Variants in NACC1 observed in about 807,000 individuals in gnomAD.
The protein encoded by NACC1 is nucleus accumbens associated 1.
Under a neutral mutation model 41.7 loss-of-function variants are expected in NACC1, and 6 were observed. That is an observed-to-expected ratio of 0.14 (90% confidence interval 0.08 to 0.28). NACC1 has a LOEUF of 0.28. Ranked by LOEUF, NACC1 falls within the 10% of genes least tolerant of loss-of-function variation. The pLI is 1.00. For synonymous variants in NACC1, 338 were observed against 330.6 expected (o/e 1.02, Z -0.24); for missense variants, 434 against 763.7 (o/e 0.57, Z 5.09).
chr19:13,119,996 C>T (rs1599979605), intron 1 of NACC1, among the ~76,000 whole-genome samples: 1 of 152,208 alleles, frequency 6.6e-6, no homozygotes, highest in African/African-American at 2.4e-5. Flanking sequence ...CCCATAGTCA[C>T]TCAAGTGGCC....
At chr19:13,125,088 G>A (rs549241644) in intron 1 of NACC1, among the ~76,000 whole-genome samples, 63 of 152,234 alleles carry the variant, frequency 4.1e-4, no homozygotes, top group Non-Finnish European at 1.5e-5. Context: ...TTGAGCCCAG[G>A]AGTTTGACGC....
At position 13,138,655 on chromosome 19, in the gene NACC1, G is replaced by C; in HGVS notation, c.*249G>C. 1.8e-6 allele frequency: 1 copy of C among 565,736 alleles called. No homozygotes were observed. The highest frequency in any genetic ancestry group is 3.1e-6 in the Non-Finnish European group (1 of 318,220). 35.0% of individuals were successfully genotyped at this position (565,736 alleles called of 1,614,324 possible). A position where few individuals can be genotyped will look rare whatever the true frequency, so the allele number is the denominator to read the frequency against. On this transcript the variant is annotated 3_prime_UTR_variant, in exon 6 of 6. Transcript: ENST00000292431. The surrounding 1 kb of genome is among the most constrained non-coding windows in gnomAD (Gnocchi z 5.7). ...CACACTCGTGCAGTGGGGGAGTTCT[G>C]GCTCCCCAACCTAACCCCTAGCCGT...
At chr19:13,126,950 G>A (rs1290063362) in intron 1 of NACC1, among the ~76,000 whole-genome samples, 2 of 152,052 alleles carry the variant, frequency 1.3e-5, no homozygotes, top group African/African-American at 4.8e-5. Context: ...AAAATGCCCA[G>A]TTTGGCAGGG....
At chr19:13,126,666 C>A (rs1431639792) in intron 1 of NACC1, among the ~76,000 whole-genome samples, 1 of 152,186 alleles carries the variant, frequency 6.6e-6, no homozygotes, top group African/African-American at 2.4e-5. Context: ...AGGCCCCTGA[C>A]TGCTGGCTAC....
At chr19:13,127,370 A>AATTTTTTTT (rs1491187460) in intron 1 of NACC1, among the ~76,000 whole-genome samples, 2 of 44,804 alleles carry the variant, frequency 4.5e-5, no homozygotes, top group South Asian at 1.1e-3. Flanking sequence ...ATATACATAT[A>AATTTTTTTT]CTTTTTTTTT....
intron 1 of NACC1, among the ~76,000 whole-genome samples, chr19:13,119,788 C>T (rs531453217): frequency 1.3e-5 from 2 of 152,342 alleles, no homozygotes; most frequent in Admixed American, 1.3e-4. Context: ...GGATCTACCT[C>T]TGGGACACTC....
rs867273051 is a variant in NACC1, at chr19:13,137,534, G to A, written c.1283G>A (p.Arg428His). The change falls in exon 5 of 6, where the codon CGT (arginine) becomes CAT (histidine). Residue 428 changes from arginine (R) to histidine (H), a missense_variant. Arg to His is a conservative substitution (Grantham distance 29, BLOSUM62 0). This residue lies in a region of NACC1 where 70 missense variants were observed against 206.9 expected (regional missense o/e 0.34). Coordinates refer to ENST00000292431, the MANE Select transcript of NACC1 (RefSeq NM_052876.4). The surrounding 1 kb of genome is among the most constrained non-coding windows in gnomAD (Gnocchi z 6.1). ...ATCCGCTCTTCTACCAACGATCCCC[G>A]TCGGAAGCCCCTGGACAGCCGCGTG... is the stretch of plus-strand genomic sequence containing the variant. ...TGIRSSTNDP[R>H]RKPLDSRVLH... is the part of the protein sequence containing the mutation. 2 of 1,575,058 alleles carry A rather than the reference G, an allele frequency of 1.3e-6. No homozygotes were observed. The highest frequency in any genetic ancestry group is 1.3e-5 in the African/African-American group (1 of 74,406).
At chr19:13,124,377 G>A (rs2019536688) in intron 1 of NACC1, among the ~76,000 whole-genome samples, 1 of 152,092 alleles carries the variant, frequency 6.6e-6, no homozygotes, top group Admixed American at 6.6e-5. Context: ...TCCAGCCTGG[G>A]CGACAGAGGA....
chr19:13,126,108 A>G (rs1275606667), intron 1 of NACC1, among the ~76,000 whole-genome samples: 1 of 149,336 alleles, frequency 6.7e-6, no homozygotes, highest in Non-Finnish European at 1.5e-5. Context: ...CATTGGCCCG[A>G]TCTCGGCTCA....
At chr19:13,134,570 C>T (rs889890272) in intron 1 of NACC1, among the ~76,000 whole-genome samples, 3 of 152,022 alleles carry the variant, frequency 2.0e-5, no homozygotes, top group South Asian at 2.1e-4. Flanking sequence ...GGTTTTGCCA[C>T]GTTGGCCAAG....
chr19:13,123,680 A>G (rs1212022025), intron 1 of NACC1, among the ~76,000 whole-genome samples: 1 of 152,174 alleles, frequency 6.6e-6, no homozygotes, highest in Non-Finnish European at 1.5e-5. Flanking sequence ...AGCTCAGGTA[A>G]AGAGCCCCAG....
At position 13,138,157 on chromosome 19, in the gene NACC1, G is replaced by C; in HGVS notation, c.1335G>C (p.Gln445His). 1 of 1,613,752 alleles carries C rather than the reference G, an allele frequency of 6.2e-7. No homozygotes were observed. Among genetic ancestry groups the C allele is most frequent in the Non-Finnish European group, 8.5e-7 (1 of 1,179,642 alleles). The change falls in exon 6 of 6, where the codon CAG becomes CAC. Residue 445 changes from glutamine to histidine, a missense_variant. By Grantham distance (24) the Gln-to-His change is conservative. Transcript: ENST00000292431. The surrounding 1 kb of genome is among the most constrained non-coding windows in gnomAD (Gnocchi z 5.7). Reference protein sequence around the residue: ...RVLHAVKYYCQNFAPNFKESE... With the variant: ...RVLHAVKYYCHNFAPNFKESE... ...CACCCTGCCCCACAGACTACTGCCA[G>C]AACTTCGCCCCCAACTTCAAGGAGA...
In NACC1 at chr19:13,126,063, T is replaced by TA. The variant is rs1000002684; in HGVS notation, c.-9+7610dup. Among the ~76,000 whole-genome samples, 9 of 150,838 alleles carry TA rather than the reference T, an allele frequency of 6.0e-5. No individual in the cohort carries two copies. In the East Asian group the frequency reaches 1.2e-3, roughly 20 times the overall value. ...AAAGGCCTAACTTTTTTTTTTTTTT[T>TA]AGACGGAGTCTTGCTCTGTCACCAG... is the stretch of plus-strand genomic sequence containing the variant. On this transcript the variant is annotated intron_variant, in intron 1 of 5. Coordinates refer to ENST00000292431, the MANE Select transcript of NACC1 (RefSeq NM_052876.4).
At chr19:13,125,218 G>A (rs1342786238) in intron 1 of NACC1, among the ~76,000 whole-genome samples, 2 of 152,168 alleles carry the variant, frequency 1.3e-5, no homozygotes, top group African/African-American at 4.8e-5. Context: ...GCTCATAGTT[G>A]TAGAGGGTGG....
chr19:13,137,344 A>G lies in NACC1; in HGVS notation c.1194A>G (p.Leu398=), dbSNP rs2019720334. The G allele has an allele frequency of 6.2e-7, 1 of 1,612,182 alleles. No homozygotes were observed. The highest frequency in any genetic ancestry group is 8.5e-7 in the Non-Finnish European group (1 of 1,179,222). Residue 398 remains leucine (L), a synonymous_variant, in exon 4 of 6, where the codon CTA becomes CTG. Coordinates refer to ENST00000292431, the MANE Select transcript of NACC1 (RefSeq NM_052876.4). The surrounding 1 kb of genome is among the most constrained non-coding windows in gnomAD (Gnocchi z 6.1). The stretch of plus-strand genomic sequence containing the variant: ...GCGCAGGCACGCGGCACAAGGTCCT[A>G]CTGCGGCGGCTCCTGGCCTCCTTCT... ...HVSAGTRHKV[L]LRRLLASFFD...
At chr19:13,133,016 A>G (rs1181797446) in intron 1 of NACC1, among the ~76,000 whole-genome samples, 2 of 152,152 alleles carry the variant, frequency 1.3e-5, no homozygotes, top group Non-Finnish European at 2.9e-5. Context: ...CCAGATTAGG[A>G]GGAGAGTGGC....
At chr19:13,135,067 G>GGTA (rs2019681927) in intron 1 of NACC1, 133 bp from the exon 2 acceptor site, 4 of 1,410,798 alleles carry the variant, frequency 2.8e-6, no homozygotes, top group Non-Finnish European at 3.7e-6. Context: ...TTAGCACCAT[G>GGTA]GTAGATTCCA....
At position 13,136,501 on chromosome 19, in the gene NACC1, C is replaced by A; in HGVS notation, c.1120+96C>A. On this transcript the variant is annotated intron_variant, in intron 3 of 5. Coordinates refer to ENST00000292431, the MANE Select transcript of NACC1 (RefSeq NM_052876.4). This position sits in a 1 kb window ranked among gnomAD's most constrained non-coding sequence, Gnocchi z 5.5. Reference sequence around the variant, plus strand: ...AGCTGGTTAGGAGCCCCCAGCACCTCAGTTTCCCTATCTGTGCTGTAGTGT... The same window carrying A: ...AGCTGGTTAGGAGCCCCCAGCACCTAAGTTTCCCTATCTGTGCTGTAGTGT... 1 of 1,397,384 alleles carries A rather than the reference C, an allele frequency of 7.2e-7. No individual in the cohort carries two copies. The highest frequency in any genetic ancestry group is 1.4e-5 in the South Asian group (1 of 71,398). 86.6% of individuals were successfully genotyped at this position (1,397,384 alleles called of 1,614,324 possible).
At chr19:13,118,167 G>T (rs1271544055), upstream of NACC1, 1 of 151,692 alleles carries the variant, frequency 6.6e-6, no homozygotes, top group East Asian at 1.9e-4. Context: ...GGCTGGCCTC[G>T]CCTGGAGGGC....
Sources: allele counts gnomAD v4.1 joint callset (sites outside exome capture counted in the v4.1 genomes callset), GRCh38; gene constraint gnomAD v4.1.1; regional missense constraint gnomAD v4.1.1; non-coding constraint Gnocchi (gnomAD v3.1); transcripts MANE v1.5; gene names NCBI Gene and HGNC (gene_info 2026-07-23, HGNC 2026-07-21).